COL5A2: variants seen among roughly 807,000 people sequenced by gnomAD.
COL5A2 encodes the protein collagen type V alpha 2 chain.
COL5A2 carries 23 observed loss-of-function variants against 208.2 expected under a neutral mutation model. That is an observed-to-expected ratio of 0.11 (90% CI 0.08 to 0.16). The LOEUF (loss-of-function observed/expected upper bound fraction) is 0.16. COL5A2 is among the 10% of genes least tolerant of loss of function. The probability of loss-of-function intolerance (pLI) is 1.00; values close to 1 mark genes in which losing one functional copy is unlikely to be tolerated. For synonymous variants in COL5A2, 625 were observed against 628.5 expected (o/e 0.99, Z 0.08); for missense variants, 1,590 against 1,956.4 (o/e 0.81, Z 3.53).
the COL5A2 span, among the ~76,000 whole-genome samples, chr2:189,270,108 T>C: frequency 6.6e-6 from 1 of 152,058 alleles, no homozygotes; most frequent in African/African-American, 2.4e-5. Context: ...TATTGTGTCT[T>C]TTGATTCTTC....
the COL5A2 span, among the ~76,000 whole-genome samples, chr2:189,319,914 C>A: frequency 4.6e-5 from 7 of 152,298 alleles, no homozygotes; most frequent in African/African-American, 1.7e-4. Flanking sequence ...AGGCACCCCC[C>A]CAGTAGGGGC....
At chr2:189,139,617 G>T (rs1478178788) in intron 1 of COL5A2, among the ~76,000 whole-genome samples, 6 of 152,268 alleles carry the variant, frequency 3.9e-5, no homozygotes, top group Middle Eastern at 3.4e-3. Context: ...ACTAAAGTAT[G>T]ACTCTAGTTA....
At chr2:189,384,625 T>A in the COL5A2 span, among the ~76,000 whole-genome samples, 1 of 152,208 alleles carries the variant, frequency 6.6e-6, no homozygotes, top group Admixed American at 6.6e-5. Context: ...TTGTTTGAGC[T>A]TCTTATATAT....
At chr2:189,155,354 C>T (rs1688224423) in intron 1 of COL5A2, among the ~76,000 whole-genome samples, 1 of 20,758 alleles carries the variant, frequency 4.8e-5, no homozygotes, top group South Asian at 2.9e-3. Flanking sequence ...TACTGCTCTA[C>T]ATTTTGCTCC....
At chr2:189,205,239 T>C (rs535297850) in intron 1 of COL5A2, among the ~76,000 whole-genome samples, 1 of 152,242 alleles carries the variant, frequency 6.6e-6, no homozygotes, top group South Asian at 2.1e-4. Flanking sequence ...GGCCAAAATA[T>C]CTGAATTAAC....
At chr2:189,251,528 CT>C in the COL5A2 span, among the ~76,000 whole-genome samples, 1 of 152,066 alleles carries the variant, frequency 6.6e-6, no homozygotes, top group Non-Finnish European at 1.5e-5. Context: ...TTAAATAGTT[CT>C]TTATTGTCTA....
the COL5A2 span, among the ~76,000 whole-genome samples, chr2:189,403,009 C>T: frequency 8.5e-5 from 13 of 152,264 alleles, no homozygotes; most frequent in Non-Finnish European, 1.6e-4. Flanking sequence ...GCAGTATGGC[C>T]GTTTCCATGA....
chr2:189,431,195 A>G, the COL5A2 span, among the ~76,000 whole-genome samples: 1 of 152,188 alleles, frequency 6.6e-6, no homozygotes, highest in South Asian at 2.1e-4. Flanking sequence ...TAGGTCACCA[A>G]CATCAAAGAC....
At chr2:189,250,234 T>C in the COL5A2 span, among the ~76,000 whole-genome samples, 4 of 152,212 alleles carry the variant, frequency 2.6e-5, no homozygotes, top group Non-Finnish European at 4.4e-5. Flanking sequence ...GCTTTGGATA[T>C]ATGAACTGAT....
At position 189,058,477 on chromosome 2, in the gene COL5A2, G is replaced by A; in HGVS notation, c.2181C>T (p.Leu727=). ...GERGEPGITG[L]PGEKGMAGGH... ...CTCCAGCCATTCCCTTCTCACCAGGGAGTCCAGTTATCCCAGGTTCTCCTC... is the reference window on the plus strand; with the variant it reads ...CTCCAGCCATTCCCTTCTCACCAGGAAGTCCAGTTATCCCAGGTTCTCCTC... The change falls in exon 33 of 54, where the codon CTC becomes CTT. Residue 727 remains leucine, a synonymous_variant. Coordinates refer to ENST00000374866, the MANE Select transcript of COL5A2 (RefSeq NM_000393.5). 1.2e-6 allele frequency: 2 copies of A among 1,614,006 alleles called. No homozygotes were observed. The highest frequency in any genetic ancestry group is 2.7e-5 in the African/African-American group (2 of 75,024).
At chr2:189,215,580 T>C (rs1689268899) in intron 1 of COL5A2, among the ~76,000 whole-genome samples, 1 of 152,122 alleles carries the variant, frequency 6.6e-6, no homozygotes, top group Non-Finnish European at 1.5e-5. Context: ...ACCAGAAAAC[T>C]TTAAATTATA....
the COL5A2 span, among the ~76,000 whole-genome samples, chr2:189,346,165 C>A: frequency 0.28 from 42,905 of 151,970 alleles, 6,310 homozygotes; most frequent in African/African-American, 0.34. Flanking sequence ...AACTATAGGC[C>A]GCTTGAGGCA....
chr2:189,380,093 T>A, the COL5A2 span, among the ~76,000 whole-genome samples: 1 of 151,994 alleles, frequency 6.6e-6, no homozygotes, highest in Non-Finnish European at 1.5e-5. Flanking sequence ...GTAATTACCA[T>A]TATTGTAGTG....
chr2:189,103,426 T>C (rs767877497), intron 3 of COL5A2, among the ~76,000 whole-genome samples: 4 of 152,046 alleles, frequency 2.6e-5, no homozygotes, highest in South Asian at 2.1e-4. Flanking sequence ...AATCATTTTA[T>C]TAAAGTTCCA....
At chr2:189,270,196 A>G in the COL5A2 span, among the ~76,000 whole-genome samples, 1 of 151,954 alleles carries the variant, frequency 6.6e-6, no homozygotes, top group South Asian at 2.1e-4. Context: ...TCCTGGATTC[A>G]TTGATTTTTT....
the COL5A2 span, among the ~76,000 whole-genome samples, chr2:189,358,482 T>C: frequency 1.3e-5 from 2 of 152,208 alleles, no homozygotes; most frequent in African/African-American, 2.4e-5. Context: ...TATAGCCTTG[T>C]AGGATATTTT....
At chr2:189,051,582 C>T (rs774466556) in intron 41 of COL5A2, 101 bp from the exon 42 acceptor site, 44 of 1,056,898 alleles carry the variant, frequency 4.2e-5, no homozygotes, top group Admixed American at 6.5e-5. Flanking sequence ...GTCCAAGCCT[C>T]GCAGGTTCAT....
intron 1 of COL5A2, among the ~76,000 whole-genome samples, chr2:189,206,188 C>G (rs1199025216): frequency 6.6e-6 from 1 of 152,086 alleles, no homozygotes; most frequent in African/African-American, 2.4e-5. Flanking sequence ...AAGTGGGGAA[C>G]CGGGAAGGGC....
At chr2:189,042,014 A>T (rs546507051) in intron 49 of COL5A2, among the ~76,000 whole-genome samples, 4 of 152,348 alleles carry the variant, frequency 2.6e-5, no homozygotes, top group South Asian at 2.1e-4. Context: ...GAAATAAGAA[A>T]ATGACAGAAG....
Sources: allele counts gnomAD v4.1 joint callset (sites outside exome capture counted in the v4.1 genomes callset), GRCh38; gene constraint gnomAD v4.1.1; transcripts MANE v1.5; gene names NCBI Gene and HGNC (gene_info 2026-07-23, HGNC 2026-07-21).